SEPTIN6: variants seen among roughly 807,000 people sequenced by gnomAD.
SEPTIN6 encodes septin-6.
In SEPTIN6, 8 loss-of-function variants were observed where a neutral mutation model predicts 33.6. The observed-to-expected ratio is 0.24, with a 90% CI of 0.14 to 0.43. SEPTIN6 has a LOEUF of 0.43. Ranked by LOEUF, SEPTIN6 falls within the 20% of genes least tolerant of loss-of-function variation. The pLI is 1.00. For missense variants in SEPTIN6, 250 were observed against 340.8 expected, an observed-to-expected ratio of 0.73 and a Z score of 2.10; for synonymous variants, 131 against 140.0, an observed-to-expected ratio of 0.94 and a Z score of 0.45.
intron 10 of SEPTIN6, among the ~76,000 whole-genome samples, chrX:119,620,324 T>C (rs1407634434): frequency 5.7e-5 from 6 of 105,079 alleles, no homozygotes; most frequent in African/African-American, 1.4e-4. Context: ...TCTTTCTTTT[T>C]TTTTTTTTTT....
intron 1 of SEPTIN6, among the ~76,000 whole-genome samples, chrX:119,684,463 C>T (rs2055016835): frequency 9.5e-6 from 1 of 105,669 alleles, no homozygotes; most frequent in Non-Finnish European, 1.9e-5. Flanking sequence ...ACCACAAAAG[C>T]ACTGATAAGT....
At chrX:119,625,151 C>CA (rs1176541940) in intron 10 of SEPTIN6, among the ~76,000 whole-genome samples, 184 bp downstream of exon 10, 3 of 112,126 alleles carry the variant, frequency 2.7e-5, no homozygotes, top group African/African-American at 9.7e-5. Context: ...GGCAGGCAGG[C>CA]ATTCCACATG....
chrX:119,655,273 G>A (rs891820287), intron 3 of SEPTIN6, among the ~76,000 whole-genome samples: 3 of 109,714 alleles, frequency 2.7e-5, no homozygotes, highest in East Asian at 2.8e-4. Flanking sequence ...GCTTATCTTC[G>A]TCTTATTCAT....
intron 1 of SEPTIN6, among the ~76,000 whole-genome samples, chrX:119,676,396 G>A (rs543187703): frequency 2.8e-5 from 3 of 108,463 alleles, no homozygotes; most frequent in East Asian, 2.9e-4. Context: ...CCCGGGAGGT[G>A]TAGGCTGCAG....
In SEPTIN6 at chrX:119,618,627, A is replaced by G; in HGVS notation, c.*1466T>C. On this transcript the variant is annotated 3_prime_UTR_variant, in exon 11 of 11. Transcript: ENST00000394610. ...CAAGTTGCGGAACTCAAAAAGAAGA[A>G]GTGAGCTTGAAGTACATGGCAGGAT... is the stretch of plus-strand genomic sequence containing the variant. The G allele has an allele frequency of 9.3e-7, 1 of 1,079,408 alleles. No homozygotes were observed. The highest frequency in any genetic ancestry group is 1.2e-6 in the Non-Finnish European group (1 of 826,636). 89.0% of individuals were successfully genotyped at this position (1,079,408 alleles called of 1,213,427 possible).
chrX:119,664,969 G>A (rs895795290), intron 2 of SEPTIN6, among the ~76,000 whole-genome samples: 2 of 110,396 alleles, frequency 1.8e-5, no homozygotes, highest in African/African-American at 3.3e-5. Flanking sequence ...CCTCCCCACG[G>A]TGAAAACTGT....
chrX:119,649,994 C>T lies in SEPTIN6; in HGVS notation c.633G>A (p.Gln211=), dbSNP rs2054326133. The T allele has an allele frequency of 8.3e-7, 1 of 1,211,802 alleles. No homozygotes were observed. The highest frequency in any genetic ancestry group is 1.8e-5 in the South Asian group (1 of 57,009). Residue 211 remains glutamine, a synonymous_variant, in exon 5 of 11, where the codon CAG becomes CAA. Transcript: ENST00000394610. ...ITSELVSNGV[Q]IYQFPTDDES... ...CATCATCTGTAGGAAACTGATAGAT[C>T]TGGACTCCGTTGCTGACAAGCTCGC... is the stretch of plus-strand genomic sequence containing the variant.
intron 6 of SEPTIN6, among the ~76,000 whole-genome samples, chrX:119,640,123 T>C (rs1310651299): frequency 9.4e-5 from 10 of 106,079 alleles, no homozygotes; most frequent in African/African-American, 3.4e-4. Context: ...CAACACGTAG[T>C]TTTTTTAAAT....
In SEPTIN6 at chrX:119,637,032, G is replaced by A. The variant is rs1411839397; in HGVS notation, c.951C>T (p.Pro317=). Residue 317 remains proline, a synonymous_variant, in exon 7 of 11, where the codon CCC becomes CCT. Coordinates refer to ENST00000394610, the MANE Select transcript of SEPTIN6 (RefSeq NM_145799.4). The part of the protein sequence containing the change: ...GFKDTDPDSK[P]FSLQETYEAK... ...TGGGCTGGCAGGAGCGGTACCTGAA[G>A]GGTTTGCTGTCAGGGTCGGTGTCCT... 2 of 1,210,665 alleles carry A rather than the reference G, an allele frequency of 1.7e-6. No homozygotes were observed. The highest frequency in any genetic ancestry group is 4.4e-5 in the Admixed American group (2 of 45,949).
At position 119,690,338 on chromosome X, in the gene SEPTIN6, T is replaced by TAC. The variant is rs1457561819; in HGVS notation, c.30+2736_30+2737dup. On this transcript the variant is annotated intron_variant, in intron 1 of 10. Transcript: ENST00000394610. ...TTCTAGAAAGAACACACCCCCCACATACATACACATACACACACACACACA... is the reference window on the plus strand; with the variant it reads ...TTCTAGAAAGAACACACCCCCCACATACACATACACATACACACACACACACA... 2.1e-3 allele frequency among the ~76,000 whole-genome samples: 143 copies of TAC among 67,352 alleles called. 1 individual carries two copies. The highest frequency in any genetic ancestry group is 5.8e-3 in the African/African-American group (137 of 23,420). 58.5% of individuals were successfully genotyped at this position (67,352 alleles called of 115,157 possible).
chrX:119,629,245 G>A, intron 9 of SEPTIN6, 73 bp downstream of exon 9: 2 of 1,061,992 alleles, frequency 1.9e-6, no homozygotes, highest in Non-Finnish European at 2.6e-6. Flanking sequence ...GCCCCTTCAG[G>A]TGCCACGTCC....
At chrX:119,625,788 G>A (rs1016216674) in intron 9 of SEPTIN6, among the ~76,000 whole-genome samples, 3 of 111,699 alleles carry the variant, frequency 2.7e-5, no homozygotes, top group African/African-American at 9.8e-5. Flanking sequence ...CTGGACTCAA[G>A]CAATCCTTCG....
chrX:119,691,149 C>T (rs1038199024), intron 1 of SEPTIN6, among the ~76,000 whole-genome samples: 2 of 111,464 alleles, frequency 1.8e-5, no homozygotes, highest in Non-Finnish European at 3.8e-5. Context: ...TAAAGCACCC[C>T]CTCACCCCCA....
At chrX:119,679,936 G>T (rs932672050) in intron 1 of SEPTIN6, among the ~76,000 whole-genome samples, 27 of 111,609 alleles carry the variant, frequency 2.4e-4, no homozygotes, top group Non-Finnish European at 4.9e-4. Flanking sequence ...GAGAACAATC[G>T]CAAGGGTCTA....
At chrX:119,620,769 T>C (rs1286314580) in intron 10 of SEPTIN6, among the ~76,000 whole-genome samples, 2 of 110,133 alleles carry the variant, frequency 1.8e-5, no homozygotes, top group Non-Finnish European at 3.8e-5. Flanking sequence ...TACAGGCGCC[T>C]GCCACCACGC....
intron 1 of SEPTIN6, among the ~76,000 whole-genome samples, chrX:119,692,547 A>G (rs758847569): frequency 5.5e-4 from 61 of 111,678 alleles, no homozygotes; most frequent in African/African-American, 1.9e-3. Context: ...ACGCAGTCAC[A>G]TATGTAATGC....
intron 5 of SEPTIN6, among the ~76,000 whole-genome samples, chrX:119,647,036 G>A (rs2054271721): frequency 9.0e-6 from 1 of 110,649 alleles, no homozygotes; most frequent in African/African-American, 3.3e-5. Flanking sequence ...CACTAGCTGT[G>A]AGGCCACTCC....
intron 1 of SEPTIN6, among the ~76,000 whole-genome samples, chrX:119,687,248 C>CTTTTTT (rs761167270): frequency 6.1e-5 from 6 of 97,609 alleles, no homozygotes; most frequent in East Asian, 3.2e-4. Flanking sequence ...TTTCATCTGT[C>CTTTTTT]TTTTTTTTTT....
intron 2 of SEPTIN6, among the ~76,000 whole-genome samples, chrX:119,671,583 T>C (rs1329198814): frequency 1.8e-5 from 2 of 109,708 alleles, no homozygotes; most frequent in African/African-American, 6.6e-5. Flanking sequence ...CCACCGCGCC[T>C]GGCCCTCTAC....
Sources: gnomAD v4.1 joint callset for allele counts (sites outside exome capture counted in the v4.1 genomes callset) on GRCh38, gnomAD v4.1.1 for gene constraint, MANE v1.5 for transcripts, NCBI Gene and HGNC (gene_info 2026-07-23, HGNC 2026-07-21) for gene names.